The following ZNF93 variants were observed in gnomAD, a reference collection of about 807,000 sequenced individuals.
The protein encoded by ZNF93 is zinc finger protein 93.
A neutral mutation model predicts 45.0 loss-of-function variants in ZNF93; 29 were observed. The ratio of observed to expected loss-of-function variants is 0.64; its 90% confidence interval spans 0.48 to 0.88. The LOEUF (loss-of-function observed/expected upper bound fraction) is 0.88. Among genes scored for constraint, ZNF93 ranks in the 40% least tolerant of loss-of-function variants. ZNF93 has a pLI of 0.00. For missense variants in ZNF93, 578 were observed against 724.0 expected, an observed-to-expected ratio of 0.80 and a Z score of 2.31; for synonymous variants, 223 against 244.6, an observed-to-expected ratio of 0.91 and a Z score of 0.82.
chr19:19,921,541 G>T (rs956212710), intron 3 of ZNF93, among the ~76,000 whole-genome samples: 5 of 152,136 alleles, frequency 3.3e-5, no homozygotes, highest in African/African-American at 1.2e-4. Flanking sequence ...TGATAATGGG[G>T]TGTTAAAGTC....
chr19:19,926,309 C>T (rs1389708017), intron 3 of ZNF93: 2 of 151,094 alleles, frequency 1.3e-5, no homozygotes, highest in Non-Finnish European at 2.9e-5. Context: ...GAACTCCTGA[C>T]CTCAGGTGAT....
intron 3 of ZNF93, among the ~76,000 whole-genome samples, chr19:19,918,746 T>C (rs544805208): frequency 1.2e-4 from 19 of 152,356 alleles, no homozygotes; most frequent in Admixed American, 9.8e-4. Flanking sequence ...TGTATAAATG[T>C]CTTCTTTTGA....
chr19:19,912,918 T>C (rs1205922001), intron 1 of ZNF93, among the ~76,000 whole-genome samples: 2 of 152,258 alleles, frequency 1.3e-5, no homozygotes, highest in East Asian at 3.8e-4. Context: ...ACATGTTCTT[T>C]TTAAAATACA....
chr19:19,917,461 G>T lies in ZNF93; in HGVS notation c.226+806G>T, dbSNP rs528660542. 7.6e-4 allele frequency among the ~76,000 whole-genome samples: 115 copies of T among 151,536 alleles called. 1 individual carries two copies. The highest frequency in any genetic ancestry group is 2.7e-3 in the African/African-American group (110 of 41,302). On this transcript the variant is annotated intron_variant, in intron 3 of 3. Transcript: ENST00000343769. Reference sequence around the variant, plus strand: ...TTTTTTTTAATGCTACATTAAATAAGATTTTTCTTCCTCTATTTTGTCAAA... The same window carrying T: ...TTTTTTTTAATGCTACATTAAATAATATTTTTCTTCCTCTATTTTGTCAAA...
intron 3 of ZNF93, among the ~76,000 whole-genome samples, chr19:19,919,173 C>T (rs1400996230): frequency 6.6e-6 from 1 of 152,194 alleles, no homozygotes; most frequent in Non-Finnish European, 1.5e-5. Context: ...CTACATGTGG[C>T]TAGCCAGTTT....
At position 19,915,305 on chromosome 19, in the gene ZNF93, C is replaced by T. The variant is rs775783464; in HGVS notation, c.29C>T (p.Ala10Val). The T allele has an allele frequency of 6.2e-7, 1 of 1,613,984 alleles. No individual in the cohort carries two copies. Among genetic ancestry groups the T allele is most frequent in the Non-Finnish European group, 8.5e-7 (1 of 1,179,938 alleles). The change falls in exon 2 of 4, where the codon GCC becomes GTC. Residue 10 changes from alanine to valine, a missense_variant. Physicochemically the swap from Ala to Val is moderately conservative, Grantham distance 64. Around this residue, in one of 3 missense-constraint regions of ZNF93, gnomAD observed 446 missense variants for 547.6 expected, o/e 0.81. Transcript: ENST00000343769. ...GGACCATTGCAATTTAGAGATGTGG[C>T]CATAGAATTCTCTCTGGAGGAGTGG... MGPLQFRDV[A>V]IEFSLEEWHC...
At chr19:19,924,471 C>T (rs982239119) in intron 3 of ZNF93, among the ~76,000 whole-genome samples, 14 of 152,106 alleles carry the variant, frequency 9.2e-5, no homozygotes, top group African/African-American at 3.4e-4. Flanking sequence ...CCAATGGACA[C>T]AATATAGTTT....
chr19:19,916,643 G>A lies in ZNF93; in HGVS notation c.214G>A (p.Ala72Thr), dbSNP rs2063325116. Residue 72 changes from alanine to threonine, a missense_variant, in exon 3 of 4, where the codon GCC becomes ACC. Ala to Thr is a moderately conservative substitution (Grantham distance 58). Around this residue, in one of 3 missense-constraint regions of ZNF93, gnomAD observed 446 missense variants for 547.6 expected, o/e 0.81. Transcript: ENST00000343769. ...PLTMKRHEMVANPSVICSHFA... is the reference protein window; with the variant it reads ...PLTMKRHEMVTNPSVICSHFA... ...GACTATGAAGAGACATGAGATGGTA[G>A]CCAACCCCTCAGGTAGGTGTGAGTG... 1.2e-6 allele frequency: 2 copies of A among 1,609,810 alleles called. No individual in the cohort carries two copies. Among genetic ancestry groups the A allele is most frequent in the Non-Finnish European group, 1.7e-6 (2 of 1,178,238 alleles).
chr19:19,921,959 G>C (rs567496306), intron 3 of ZNF93, among the ~76,000 whole-genome samples: 13 of 152,244 alleles, frequency 8.5e-5, no homozygotes, highest in Admixed American at 8.5e-4. Flanking sequence ...GGTTAATATT[G>C]TTATATGTGA....
chr19:19,918,024 A>C (rs1435248137), intron 3 of ZNF93, among the ~76,000 whole-genome samples: 6 of 151,208 alleles, frequency 4.0e-5, no homozygotes, highest in African/African-American at 1.2e-4. Flanking sequence ...ACATGTATAC[A>C]TGTGCCATGT....
intron 3 of ZNF93, among the ~76,000 whole-genome samples, chr19:19,925,592 T>A (rs1254733357): frequency 1.3e-5 from 2 of 152,238 alleles, no homozygotes; most frequent in African/African-American, 4.8e-5. Context: ...GACAATATGC[T>A]AGAATTTGCA....
intron 3 of ZNF93, among the ~76,000 whole-genome samples, chr19:19,919,931 A>C (rs527509856): frequency 2.0e-5 from 3 of 152,316 alleles, no homozygotes; most frequent in Non-Finnish European, 1.5e-5. Context: ...TCCTAATTGA[A>C]TACCCTTTAT....
intron 1 of ZNF93, among the ~76,000 whole-genome samples, chr19:19,902,537 C>T (rs1292758472): frequency 6.6e-6 from 1 of 151,974 alleles, no homozygotes; most frequent in East Asian, 1.9e-4. Context: ...GGATTACAGG[C>T]ATGAGCCACA....
chr19:19,929,532 GA>G (rs2063366145), intron 3 of ZNF93, among the ~76,000 whole-genome samples: 1 of 152,080 alleles, frequency 6.6e-6, no homozygotes, highest in Non-Finnish European at 1.5e-5. Flanking sequence ...TATACATATA[GA>G]TAGATAAATA....
chr19:19,911,800 C>T (rs537617247), intron 1 of ZNF93, among the ~76,000 whole-genome samples: 59 of 151,588 alleles, frequency 3.9e-4, no homozygotes, highest in Non-Finnish European at 6.9e-4. Flanking sequence ...CCTGGTCTGG[C>T]TTGCAGTGGC....
At chr19:19,907,549 CTTTT>C (rs59393098) in intron 1 of ZNF93, among the ~76,000 whole-genome samples, 1 of 137,526 alleles carries the variant, frequency 7.3e-6, no homozygotes. Flanking sequence ...ATTTTCTTTT[CTTTT>C]TTTTTTTTTT....
At chr19:19,903,611 C>CA (rs1211412103) in intron 1 of ZNF93, among the ~76,000 whole-genome samples, 25 of 151,802 alleles carry the variant, frequency 1.6e-4, no homozygotes, top group Admixed American at 1.6e-3. Context: ...ACTAAAAATA[C>CA]AAAAATTAAC....
At position 19,933,163 on chromosome 19, in the gene ZNF93, T is replaced by G. The variant is rs2063379680; in HGVS notation, c.227-19T>G. 1 of 1,479,672 alleles carries G rather than the reference T, an allele frequency of 6.8e-7. No homozygotes were observed. The highest frequency in any genetic ancestry group is 2.3e-5 in the East Asian group (1 of 43,314). The allele number at this position is 1,479,672 out of a possible 1,614,324, so 91.7% of individuals were successfully genotyped here. A position where few individuals can be genotyped will look rare whatever the true frequency, so the allele number is the denominator to read the frequency against. On this transcript the variant is annotated intron_variant, in intron 3 of 3. Coordinates refer to ENST00000343769, the MANE Select transcript of ZNF93 (RefSeq NM_031218.4). ...TGAGTCTAGCAATTGAAGTAATGTG[T>G]TTTTATTGTTTCTTTCAGTTATATG...
chr19:19,925,365 T>G (rs555917533), intron 3 of ZNF93, among the ~76,000 whole-genome samples: 1 of 152,346 alleles, frequency 6.6e-6, no homozygotes, highest in Non-Finnish European at 1.5e-5. Flanking sequence ...CAAACCTTAA[T>G]GTACCGTGGA....
Sources: gnomAD v4.1 joint callset for allele counts (sites outside exome capture counted in the v4.1 genomes callset) on GRCh38, gnomAD v4.1.1 for gene constraint, gnomAD v4.1.1 regional missense constraint, MANE v1.5 for transcripts, NCBI Gene and HGNC (gene_info 2026-07-23, HGNC 2026-07-21) for gene names.